Variants in NATD1 observed in about 807,000 individuals in gnomAD.
NATD1 encodes protein NATD1.
Under a neutral mutation model 12.0 loss-of-function variants are expected in NATD1, and 9 were observed. That is an observed-to-expected ratio of 0.75 (90% CI 0.45 to 1.30). NATD1 has a LOEUF of 1.30. Among genes scored for constraint, NATD1 ranks in the 50% most tolerant of loss-of-function variants. The pLI, the probability that NATD1 is intolerant of heterozygous loss-of-function variation, is 0.00. For missense variants in NATD1, 148 were observed against 148.5 expected (o/e 1.00, Z 0.02); for synonymous variants, 71 against 65.9 (o/e 1.08, Z -0.37).
Position 21,241,492 on chromosome 17 carries a change from AG to A in NATD1, c.*1820del, listed in dbSNP as rs1200619125. ...ACCTGCTCTTTCCTTAAATTCTGCC[AG>A]CAATGGGCCACCCCTAGCCCCGGAG... On this transcript the variant is annotated 3_prime_UTR_variant, in exon 3 of 3. Transcript: ENST00000611551. The A allele has an allele frequency of 1.3e-5, 2 of 152,714 alleles. No homozygotes were observed. Among genetic ancestry groups the A allele is most frequent in the Non-Finnish European group, 2.9e-5 (2 of 68,504 alleles). The allele number at this position is 152,714 out of a possible 1,614,324, so 9.5% of individuals were successfully genotyped here. A position where few individuals can be genotyped will look rare whatever the true frequency, so the allele number is the denominator to read the frequency against.
At position 21,241,738 on chromosome 17, in the gene NATD1, C is replaced by A. The variant is rs946633343; in HGVS notation, c.*1575G>T. 6.6e-6 allele frequency: 1 copy of A among 152,202 alleles called. No homozygotes were observed. Among genetic ancestry groups the A allele is most frequent in the African/African-American group, 2.4e-5 (1 of 41,432 alleles). 9.4% of individuals were successfully genotyped at this position (152,202 alleles called of 1,614,324 possible). A position where few individuals can be genotyped will look rare whatever the true frequency, so the allele number is the denominator to read the frequency against. The stretch of plus-strand genomic sequence containing the variant: ...GGGGTTTCGAGGAGACTCCGGGGCT[C>A]GGGGACCCCCATCGGCAGGCTGCCA... On this transcript the variant is annotated 3_prime_UTR_variant, in exon 3 of 3. Transcript: ENST00000611551.
At chr17:21,249,222 G>A (rs1000868939) in intron 1 of NATD1, among the ~76,000 whole-genome samples, 1 of 152,158 alleles carries the variant, frequency 6.6e-6, no homozygotes, top group Non-Finnish European at 1.5e-5. Flanking sequence ...ATCAAAACGC[G>A]AATATACAGA....
rs999218992 is a variant in NATD1, at chr17:21,253,215, C to T, written c.50G>A (p.Cys17Tyr). Residue 17 changes from cysteine to tyrosine, a missense_variant, in exon 1 of 3, where the codon TGC becomes TAC. Physicochemically the swap from Cys to Tyr is radical, Grantham distance 194 (BLOSUM62 -2). Coordinates refer to ENST00000611551, the MANE Select transcript of NATD1 (RefSeq NM_152914.3). ...AVPLGALEQG[C>Y]PIRVEHDRRR... ...GCGGTCGTGCTCCACGCGGATGGGG[C>T]AGCCCTGCTCCAGCGCGCCCAGCGG... The T allele has an allele frequency of 4.0e-6, 4 of 1,007,074 alleles. No individual in the cohort carries two copies. The highest frequency in any genetic ancestry group is 4.5e-5 in the South Asian group (1 of 22,412). The allele number at this position is 1,007,074 out of a possible 1,614,324, so 62.4% of individuals were successfully genotyped here.
Position 21,244,670 on chromosome 17 carries a change from T to A in NATD1, c.107-446A>T, listed in dbSNP as rs924088094. On this transcript the variant is annotated intron_variant, in intron 1 of 2. Transcript: ENST00000611551. The surrounding 1 kb of genome is among the most constrained non-coding windows in gnomAD (Gnocchi z 5.2). Reference sequence around the variant, plus strand: ...CATGAAGAGATTAGAGAGGCAGCGCTGCGCCACGCATCAGGACCACCTGCT... The same window carrying A: ...CATGAAGAGATTAGAGAGGCAGCGCAGCGCCACGCATCAGGACCACCTGCT... 6.6e-6 allele frequency among the ~76,000 whole-genome samples: 1 copy of A among 152,154 alleles called. No homozygotes were observed. The highest frequency in any genetic ancestry group is 1.5e-5 in the Non-Finnish European group (1 of 68,036).
rs1163467209 is a variant in NATD1, at chr17:21,238,950, T to C, written c.*4363A>G. The C allele has an allele frequency of 1.3e-5, 2 of 152,198 alleles. No homozygotes were observed. Among genetic ancestry groups the C allele is most frequent in the Non-Finnish European group, 2.9e-5 (2 of 68,038 alleles). The allele number at this position is 152,198 out of a possible 1,614,324, so 9.4% of individuals were successfully genotyped here. On this transcript the variant is annotated 3_prime_UTR_variant, in exon 3 of 3. Coordinates refer to ENST00000611551, the MANE Select transcript of NATD1 (RefSeq NM_152914.3). ...CTGAAAACATAACCCTAAATTTGAT[T>C]CTGCAGGTTGCAGTTACAACACAAG...
intron 1 of NATD1, among the ~76,000 whole-genome samples, chr17:21,251,529 G>C (rs968550723): frequency 6.6e-6 from 1 of 152,160 alleles, no homozygotes; most frequent in African/African-American, 2.4e-5. Context: ...AGGGTTGGTT[G>C]GGCCAATGGT....
At chr17:21,249,432 C>T (rs1975356193) in intron 1 of NATD1, among the ~76,000 whole-genome samples, 1 of 152,166 alleles carries the variant, frequency 6.6e-6, no homozygotes, top group Non-Finnish European at 1.5e-5. Flanking sequence ...ATACGTCCCT[C>T]CCCTCCCCAG....
chr17:21,246,752 T>A (rs1049845094), intron 1 of NATD1, among the ~76,000 whole-genome samples: 2 of 151,760 alleles, frequency 1.3e-5, no homozygotes, highest in Admixed American at 6.6e-5. Context: ...AGGATCACTA[T>A]ACAGCAGAGG....
chr17:21,245,046 G>A (rs868736258), intron 1 of NATD1, among the ~76,000 whole-genome samples: 5 of 152,174 alleles, frequency 3.3e-5, no homozygotes, highest in African/African-American at 4.8e-5. Flanking sequence ...CCATGAAACC[G>A]GAAGGGGAGA....
chr17:21,247,038 G>A (rs1253080581), intron 1 of NATD1, among the ~76,000 whole-genome samples: 2 of 152,176 alleles, frequency 1.3e-5, no homozygotes, highest in Non-Finnish European at 2.9e-5. Context: ...CTGCAGAGCA[G>A]GGAGGTGGAT....
Position 21,253,154 on chromosome 17 carries a change from C to T in NATD1, c.106+5G>A, listed in dbSNP as rs1975394751. On this transcript the variant is annotated splice_donor_5th_base_variant and intron_variant, in intron 1 of 2. Coordinates refer to ENST00000611551, the MANE Select transcript of NATD1 (RefSeq NM_152914.3). ...AAAGGTCGGGGCGGGCCGGGGCCGC[C>T]TTACCGTTGAGCCGGACAGTGAACT... 2 of 1,020,572 alleles carry T rather than the reference C, an allele frequency of 2.0e-6. No individual in the cohort carries two copies. Among genetic ancestry groups the T allele is most frequent in the East Asian group, 1.7e-4 (2 of 11,918 alleles). 63.2% of individuals were successfully genotyped at this position (1,020,572 alleles called of 1,614,324 possible). A position where few individuals can be genotyped will look rare whatever the true frequency, so the allele number is the denominator to read the frequency against.
rs1337528118 is a variant in NATD1 at position 21,241,685 on chromosome 17, C to G, written c.*1628G>C. The G allele has an allele frequency of 6.6e-6, 1 of 152,296 alleles. No individual in the cohort carries two copies. The highest frequency in any genetic ancestry group is 2.1e-4 in the South Asian group (1 of 4,830). The allele number at this position is 152,296 out of a possible 1,614,324, so 9.4% of individuals were successfully genotyped here. ...TCGGGGGTACTCAGGATGGTGACCC[C>G]TCCTGGTCCATGCTGTGACCCACAG... is the stretch of plus-strand genomic sequence containing the variant. On this transcript the variant is annotated 3_prime_UTR_variant, in exon 3 of 3. Transcript: ENST00000611551.
At chr17:21,247,230 C>T (rs1381042534) in intron 1 of NATD1, among the ~76,000 whole-genome samples, 6 of 152,216 alleles carry the variant, frequency 3.9e-5, no homozygotes, top group African/African-American at 1.4e-4. Flanking sequence ...CCCAGCTCGG[C>T]GTAGACACCC....
intron 1 of NATD1, among the ~76,000 whole-genome samples, chr17:21,249,031 C>T (rs1975352440): frequency 6.6e-6 from 1 of 152,116 alleles, no homozygotes; most frequent in Non-Finnish European, 1.5e-5. Context: ...CTCTCTGCCC[C>T]TCCTGAACCT....
chr17:21,247,942 C>T (rs1183445114), intron 1 of NATD1, among the ~76,000 whole-genome samples: 1 of 152,138 alleles, frequency 6.6e-6, no homozygotes, highest in Admixed American at 6.5e-5. Flanking sequence ...CGTTTGGGCT[C>T]ACCTGGAATG....
Position 21,242,717 on chromosome 17 carries a change from G to A in NATD1, c.*596C>T, listed in dbSNP as rs9906484. On this transcript the variant is annotated 3_prime_UTR_variant, in exon 3 of 3. Coordinates refer to ENST00000611551, the MANE Select transcript of NATD1 (RefSeq NM_152914.3). Reference sequence around the variant, plus strand: ...GTGTGTTCACATGTGTGAACCGCACGTACGGTTGAGCCTGGCCAGTGCTCA... The same window carrying A: ...GTGTGTTCACATGTGTGAACCGCACATACGGTTGAGCCTGGCCAGTGCTCA... 0.69 allele frequency: 105,150 copies of A among 152,514 alleles called. 37,216 individuals carry two copies. Among genetic ancestry groups the A allele is most frequent in the Middle Eastern group, 0.81 (240 of 298 alleles). The allele number at this position is 152,514 out of a possible 1,614,324, so 9.4% of individuals were successfully genotyped here.
At chr17:21,246,858 C>T (rs576031974) in intron 1 of NATD1, among the ~76,000 whole-genome samples, 13 of 152,226 alleles carry the variant, frequency 8.5e-5, no homozygotes, top group East Asian at 5.8e-4. Flanking sequence ...GAGAACAGCA[C>T]GTGCAAAGGC....
chr17:21,243,326 C>A lies in NATD1; in HGVS notation c.329G>T (p.Arg110Leu). ...KENPLPQYLERLQP is the reference protein window; with the variant it reads ...KENPLPQYLELLQP ...TGCAGGCCAGGGTTACGGCTGCAGGCGCTCCAGGTACTGCGGCAGGGGGTT... is the reference window on the plus strand; with the variant it reads ...TGCAGGCCAGGGTTACGGCTGCAGGAGCTCCAGGTACTGCGGCAGGGGGTT... Residue 110 changes from arginine (R) to leucine (L), a missense_variant, in exon 3 of 3, where the codon CGC becomes CTC. Transcript: ENST00000611551. The A allele has an allele frequency of 1.2e-6, 2 of 1,612,328 alleles. No homozygotes were observed. Among genetic ancestry groups the A allele is most frequent in the Non-Finnish European group, 1.7e-6 (2 of 1,179,870 alleles).
rs1394469741 is a variant in NATD1, at chr17:21,242,265, G to A, written c.*1048C>T. On this transcript the variant is annotated 3_prime_UTR_variant, in exon 3 of 3. Coordinates refer to ENST00000611551, the MANE Select transcript of NATD1 (RefSeq NM_152914.3). ...TAGTGTGTCTCCCAGGCTGCACCCA[G>A]GAAGGCTGGGTTGGGGAGGAGCCCA... is the stretch of plus-strand genomic sequence containing the variant. The A allele has an allele frequency of 3.9e-5, 6 of 152,350 alleles. No individual in the cohort carries two copies. The highest frequency in any genetic ancestry group is 7.3e-5 in the Non-Finnish European group (5 of 68,120). The allele number at this position is 152,350 out of a possible 1,614,324, so 9.4% of individuals were successfully genotyped here.
Sources: allele counts gnomAD v4.1 joint callset (sites outside exome capture counted in the v4.1 genomes callset), GRCh38; gene constraint gnomAD v4.1.1; non-coding constraint Gnocchi (gnomAD v3.1); transcripts MANE v1.5; gene names NCBI Gene and HGNC (gene_info 2026-07-23, HGNC 2026-07-21).